Variants in RYR3 observed in about 807,000 individuals in gnomAD.
RYR3 encodes ryanodine receptor 3, also known as brain ryanodine receptor-calcium release channel.
A neutral mutation model predicts 584.3 loss-of-function variants in RYR3; 207 were observed. That is an observed-to-expected ratio of 0.35 (90% CI 0.32 to 0.40). The LOEUF is 0.40. RYR3 is among the 10% of genes least tolerant of loss of function. The pLI is 1.00. For synonymous variants in RYR3, 2,416 were observed against 2,248.5 expected, an observed-to-expected ratio of 1.07 and a Z score of -2.11; for missense variants, 5,616 against 6,089.2, an observed-to-expected ratio of 0.92 and a Z score of 2.59.
intron 54 of RYR3, 52 bp from the exon 55 acceptor site, chr15:33,748,416 T>C: frequency 6.3e-7 from 1 of 1,583,796 alleles, no homozygotes; most frequent in African/African-American, 1.3e-5. Flanking sequence ...GGATGCCTGA[T>C]AAGAACAAGG....
At chr15:33,376,108 C>T (rs572931098) in intron 1 of RYR3, among the ~76,000 whole-genome samples, 1 of 152,318 alleles carries the variant, frequency 6.6e-6, no homozygotes, top group East Asian at 1.9e-4. Flanking sequence ...CAAGTTTCTT[C>T]TTGTCCCTTT....
Position 33,859,671 on chromosome 15 carries a change from A to G in RYR3, c.14239A>G (p.Ile4747Val), listed in dbSNP as rs765032298. 6 of 1,613,888 alleles carry G rather than the reference A, an allele frequency of 3.7e-6. No homozygotes were observed. In the South Asian group the frequency reaches 6.6e-5, roughly 18 times the overall value. Residue 4747 changes from isoleucine to valine, a missense_variant, in exon 100 of 104, where the codon ATT (isoleucine) becomes GTT (valine). By Grantham distance (29) the Ile-to-Val change is conservative. Around this residue, in one of 9 missense-constraint regions of RYR3, gnomAD observed 918 missense variants for 887.4 expected, o/e 1.03. Coordinates refer to ENST00000634891, the MANE Select transcript of RYR3 (RefSeq NM_001036.6). ...TGGTGATCCTTATGAAATGTATCGC[A>G]TTGTCTTTGACATTACCTTTTTCTT... is the stretch of plus-strand genomic sequence containing the variant. ...PAGDPYEMYR[I>V]VFDITFFFFV...
At position 33,660,216 on chromosome 15, in the gene RYR3, C is replaced by T. The variant is rs1177699207; in HGVS notation, c.4415C>T (p.Ala1472Val). Residue 1472 changes from alanine (A) to valine (V), a missense_variant, in exon 34 of 104, where the codon GCG becomes GTG. By Grantham distance (64) the Ala-to-Val change is moderately conservative (BLOSUM62 0). This residue lies in a region of RYR3 where 753 missense variants were observed against 741.0 expected (regional missense o/e 1.02). Transcript: ENST00000634891. ...GKLKNAMPLS[A>V]AIFRSEEKNP... ...CCCCAGAACGCAATGCCCCTGTCAG[C>T]GGCCATATTCAGGAGTGAAGAGAAG... The T allele has an allele frequency of 5.8e-6, 9 of 1,551,874 alleles. No individual in the cohort carries two copies. Among genetic ancestry groups the T allele is most frequent in the African/African-American group, 2.7e-5 (2 of 73,036 alleles).
rs2066247784 is a variant in RYR3, at chr15:33,700,836, T to A, written c.6380-141T>A. 4 of 568,738 alleles carry A rather than the reference T, an allele frequency of 7.0e-6. No individual in the cohort carries two copies. In the South Asian group the frequency reaches 7.2e-5, roughly 10 times the overall value. 35.2% of individuals were successfully genotyped at this position (568,738 alleles called of 1,614,324 possible). A position where few individuals can be genotyped will look rare whatever the true frequency, so the allele number is the denominator to read the frequency against. On this transcript the variant is annotated intron_variant, in intron 41 of 103. Coordinates refer to ENST00000634891, the MANE Select transcript of RYR3 (RefSeq NM_001036.6). Reference sequence around the variant, plus strand: ...AGCTGTTCTTAATGCAAGCGGACTGTCCCATTGGAGAACGGTCATGTAAGC... The same window carrying A: ...AGCTGTTCTTAATGCAAGCGGACTGACCCATTGGAGAACGGTCATGTAAGC...
intron 26 of RYR3, 79 bp downstream of exon 26, chr15:33,635,898 A>G: frequency 7.9e-7 from 1 of 1,261,740 alleles, no homozygotes; most frequent in Non-Finnish European, 1.1e-6. Flanking sequence ...AGCTCAAATT[A>G]CTGGATCTCT....
At chr15:33,474,591 A>G (rs2049211020) in intron 2 of RYR3, among the ~76,000 whole-genome samples, 1 of 152,234 alleles carries the variant, frequency 6.6e-6, no homozygotes, top group Non-Finnish European at 1.5e-5. Flanking sequence ...ATCAAAACCT[A>G]TGGTGTCGTT....
chr15:33,327,690 T>TTGCCTGCC lies in RYR3; in HGVS notation c.51+16612_51+16619dup, dbSNP rs532080346. 5.1e-3 allele frequency among the ~76,000 whole-genome samples: 770 copies of TTGCCTGCC among 152,126 alleles called. 5 individuals are homozygous for TTGCCTGCC. Among genetic ancestry groups the TTGCCTGCC allele is most frequent in the African/African-American group, 0.018 (741 of 41,496 alleles). ...ACTGAATAGCTCCCTGGAGGGGAAGTTGCCTGCCTGCCTGCCTGCCTGCCT... is the reference window on the plus strand; with the variant it reads ...ACTGAATAGCTCCCTGGAGGGGAAGTTGCCTGCCTGCCTGCCTGCCTGCCTGCCTGCCT... On this transcript the variant is annotated intron_variant, in intron 1 of 103. Coordinates refer to ENST00000634891, the MANE Select transcript of RYR3 (RefSeq NM_001036.6).
At chr15:33,749,473 ATCCT>A in intron 55 of RYR3, among the ~76,000 whole-genome samples, 1 of 152,312 alleles carries the variant, frequency 6.6e-6, no homozygotes, top group East Asian at 1.9e-4. Context: ...TCCAAAGTAC[ATCCT>A]TCATTCTAAG....
rs1384901054 is a variant in RYR3 at position 33,550,327 on chromosome 15, A to G, written c.972+11A>G. 1 of 1,609,914 alleles carries G rather than the reference A, an allele frequency of 6.2e-7. No individual in the cohort carries two copies. The highest frequency in any genetic ancestry group is 8.5e-7 in the Non-Finnish European group (1 of 1,178,118). On this transcript the variant is annotated intron_variant, in intron 10 of 103. Coordinates refer to ENST00000634891, the MANE Select transcript of RYR3 (RefSeq NM_001036.6). ...TTCCGGGCATCAAAGGTAAGGTGTG[A>G]TAAAGTGGACTTTGACCCTGTTCTA...
intron 1 of RYR3, among the ~76,000 whole-genome samples, chr15:33,328,087 C>T (rs1419331824): frequency 1.3e-5 from 2 of 152,156 alleles, no homozygotes; most frequent in African/African-American, 4.8e-5. Context: ...TCTGATATAG[C>T]CCTAATGGCC....
intron 1 of RYR3, among the ~76,000 whole-genome samples, chr15:33,468,879 C>A (rs2048694393): frequency 6.6e-6 from 1 of 152,130 alleles, no homozygotes; most frequent in African/African-American, 2.4e-5. Context: ...GGATTAGATA[C>A]CAGGCTCTGC....
At position 33,464,488 on chromosome 15, in the gene RYR3, A is replaced by G. The variant is rs981180849; in HGVS notation, c.52-8931A>G. Among the ~76,000 whole-genome samples, 2 of 84,696 alleles carry G rather than the reference A, an allele frequency of 2.4e-5. 1 individual carries two copies. The allele number at this position is 84,696 out of a possible 152,430, so 55.6% of individuals were successfully genotyped here. ...GATATATATATATATATATATATAT[A>G]TACACATATATATATACATACACAT... On this transcript the variant is annotated intron_variant, in intron 1 of 103. Transcript: ENST00000634891.
chr15:33,691,380 CTT>C lies in RYR3; in HGVS notation c.5861-4836_5861-4835del, dbSNP rs1359786451. Among the ~76,000 whole-genome samples, 12 of 152,272 alleles carry C rather than the reference CTT, an allele frequency of 7.9e-5. No homozygotes were observed. In the East Asian group the frequency reaches 1.9e-3, roughly 24 times the overall value. On this transcript the variant is annotated intron_variant, in intron 38 of 103. Transcript: ENST00000634891. ...GTATAGACAGGTTAATCAGAAAAGT[CTT>C]TAAGTACTGGGAAGCTGTCGAGCTC...
intron 18 of RYR3, among the ~76,000 whole-genome samples, chr15:33,604,129 G>A (rs1195919290): frequency 1.3e-5 from 2 of 152,184 alleles, no homozygotes; most frequent in African/African-American, 4.8e-5. Flanking sequence ...TTGCAAAACT[G>A]CAATTGGAGA....
intron 1 of RYR3, among the ~76,000 whole-genome samples, chr15:33,319,271 A>G (rs1380953424): frequency 6.6e-6 from 1 of 151,914 alleles, no homozygotes; most frequent in Non-Finnish European, 1.5e-5. Context: ...ACTGTAAATA[A>G]TACCGGGGCA....
intron 38 of RYR3, among the ~76,000 whole-genome samples, chr15:33,675,461 G>GA (rs2064117443): frequency 6.6e-6 from 1 of 152,200 alleles, no homozygotes; most frequent in Non-Finnish European, 1.5e-5. Context: ...CAATGGCTGT[G>GA]AAACGGCTTA....
rs185214852 is a variant in RYR3 at position 33,390,314 on chromosome 15, G to A, written c.51+79218G>A. 1.3e-5 allele frequency among the ~76,000 whole-genome samples: 2 copies of A among 152,218 alleles called. No homozygotes were observed. The highest frequency in any genetic ancestry group is 1.9e-4 in the East Asian group (1 of 5,178). ...TTGTTCTTTTAGCTGGGCCCACATG[G>A]GCCTCAGTACCAGTATACCTGGGGG... On this transcript the variant is annotated intron_variant, in intron 1 of 103. Transcript: ENST00000634891. The surrounding 1 kb of genome is among the most constrained non-coding windows in gnomAD (Gnocchi z 4.2).
chr15:33,510,621 C>T (rs1227055249), intron 3 of RYR3, among the ~76,000 whole-genome samples: 2 of 147,550 alleles, frequency 1.4e-5, no homozygotes, highest in Non-Finnish European at 3.0e-5. Context: ...AGACAAGGTT[C>T]TCCTGTGAAT....
At chr15:33,664,956 G>A (rs2063411374) in intron 36 of RYR3, among the ~76,000 whole-genome samples, 1 of 152,066 alleles carries the variant, frequency 6.6e-6, no homozygotes. Flanking sequence ...CTAATGAGTG[G>A]GTAAAGCTTA....
Sources: gnomAD v4.1 joint callset for allele counts (sites outside exome capture counted in the v4.1 genomes callset) on GRCh38, gnomAD v4.1.1 for gene constraint, gnomAD v4.1.1 regional missense constraint, Gnocchi (gnomAD v3.1) non-coding constraint, MANE v1.5 for transcripts, NCBI Gene and HGNC (gene_info 2026-07-23, HGNC 2026-07-21) for gene names.